MCCC1: variants seen among roughly 807,000 people sequenced by gnomAD.
MCCC1 encodes the protein methylcrotonoyl-CoA carboxylase subunit alpha, mitochondrial.
In MCCC1, 64 loss-of-function variants were observed where a neutral mutation model predicts 83.8. The observed-to-expected ratio is 0.76, with a 90% CI of 0.62 to 0.94. The LOEUF (loss-of-function observed/expected upper bound fraction) is 0.94, where lower values mean the gene tolerates loss of function less well. Ranked by LOEUF, MCCC1 falls within the 40% of genes least tolerant of loss-of-function variation. The pLI is 0.00. For synonymous variants in MCCC1, 322 were observed against 315.4 expected, an observed-to-expected ratio of 1.02 and a Z score of -0.22; for missense variants, 807 against 904.7, an observed-to-expected ratio of 0.89 and a Z score of 1.39.
chr3:183,046,525 G>C (rs1309265450), intron 9 of MCCC1, among the ~76,000 whole-genome samples: 4 of 152,046 alleles, frequency 2.6e-5, no homozygotes, highest in East Asian at 3.9e-4. Context: ...AGCCTCCTGA[G>C]TAGATGGGAC....
chr3:183,102,835 A>G (rs1289099706), upstream of MCCC1, among the ~76,000 whole-genome samples: 3 of 115,056 alleles, frequency 2.6e-5, no homozygotes, highest in African/African-American at 1.0e-4. Context: ...TGCCCAGGCT[A>G]GAGTGCAATG....
At chr3:183,090,812 C>T (rs1718267058) in intron 3 of MCCC1, 1 of 332,452 alleles carries the variant, frequency 3.0e-6, no homozygotes, top group South Asian at 2.3e-5. Context: ...TGGTCTCGAA[C>T]CCTGACCTCA....
rs1718606011 is a variant in MCCC1, at chr3:183,094,578, C to T, written c.117G>A (p.Met39Ile). ...PRTWVWRQRTMKYTTATGRNI... is the reference protein window; with the variant it reads ...PRTWVWRQRTIKYTTATGRNI... ...CAGTACCTGTGGCTGTTGTGTACTTCATGGTTCTTTGCCTCCACACCCATG... is the reference window on the plus strand; with the variant it reads ...CAGTACCTGTGGCTGTTGTGTACTTTATGGTTCTTTGCCTCCACACCCATG... Residue 39 changes from methionine to isoleucine, a missense_variant, in exon 2 of 19, where the codon ATG becomes ATA. Physicochemically the swap from Met to Ile is conservative, Grantham distance 10. Transcript: ENST00000265594. 1 of 1,614,076 alleles carries T rather than the reference C, an allele frequency of 6.2e-7. No homozygotes were observed. The highest frequency in any genetic ancestry group is 8.5e-7 in the Non-Finnish European group (1 of 1,180,034).
intron 15 of MCCC1, among the ~76,000 whole-genome samples, chr3:183,023,470 G>A (rs760568142): frequency 2.0e-5 from 3 of 152,114 alleles, no homozygotes; most frequent in Admixed American, 6.5e-5. Context: ...AAAGATTCAC[G>A]AAAACACATT....
chr3:183,109,287 T>C (rs1719453959), intron 1 of MCCC1, among the ~76,000 whole-genome samples: 1 of 152,104 alleles, frequency 6.6e-6, no homozygotes, highest in East Asian at 1.9e-4. Context: ...CCACCGTGCC[T>C]GGCCATGTGT....
chr3:183,079,196 CA>C (rs1717305999), intron 4 of MCCC1, among the ~76,000 whole-genome samples: 1 of 152,224 alleles, frequency 6.6e-6, no homozygotes, highest in Non-Finnish European at 1.5e-5. Context: ...AACAGTCCCT[CA>C]AAGTCTTAAC....
rs1296966296 is a variant in MCCC1 at position 183,099,306 on chromosome 3, C to T, written c.89+46G>A. ...CCACCGCTCACGCGGGTCCGTGCAC[C>T]CCTCGCTCCCGCCTCTGCCCACTGA... On this transcript the variant is annotated intron_variant, in intron 1 of 18. Coordinates refer to ENST00000265594, the MANE Select transcript of MCCC1 (RefSeq NM_020166.5). The T allele has an allele frequency of 2.6e-6, 4 of 1,549,808 alleles. No individual in the cohort carries two copies. In the African/African-American group the frequency reaches 4.1e-5, roughly 16 times the overall value.
intron 2 of MCCC1, 82 bp from the exon 3 acceptor site, chr3:183,092,627 G>A: frequency 1.3e-6 from 2 of 1,566,182 alleles, no homozygotes; most frequent in East Asian, 2.3e-5. Flanking sequence ...TTAACTGGCT[G>A]ATAAGGACTC....
chr3:183,071,628 CTA>C (rs1716699968), intron 5 of MCCC1, among the ~76,000 whole-genome samples: 2 of 151,990 alleles, frequency 1.3e-5, no homozygotes, highest in Non-Finnish European at 1.5e-5. Flanking sequence ...TAGAATTTCT[CTA>C]TGTCACAGAT....
At chr3:183,049,707 G>A (rs565391115) in intron 9 of MCCC1, among the ~76,000 whole-genome samples, 1 of 152,258 alleles carries the variant, frequency 6.6e-6, no homozygotes, top group Non-Finnish European at 1.5e-5. Flanking sequence ...AGGTCCCATG[G>A]ACATTAAAAT....
At chr3:183,102,758 GTTTTTTTTTTTTTTTTTTTTTTTTTT>G (rs566199257), upstream of MCCC1, among the ~76,000 whole-genome samples, 510 of 52,180 alleles carry the variant, frequency 9.8e-3, 6 homozygotes, top group Middle Eastern at 0.042. Flanking sequence ...AGCAGAGAAA[GTTTTTTTTTTTTTTTTTTTTTTTTTT>G]TTTTTTTTTT....
chr3:183,103,764 G>T (rs1014104998), upstream of MCCC1, among the ~76,000 whole-genome samples: 1 of 152,220 alleles, frequency 6.6e-6, no homozygotes, highest in African/African-American at 2.4e-5. Flanking sequence ...CAGCCCTTGG[G>T]TGGTCGATGG....
intron 7 of MCCC1, among the ~76,000 whole-genome samples, chr3:183,066,947 A>C (rs1187912297): frequency 1.3e-5 from 2 of 152,220 alleles, no homozygotes; most frequent in East Asian, 3.8e-4. Context: ...GTTTCTCTCT[A>C]TCTGATTTCT....
intron 8 of MCCC1, 111 bp downstream of exon 8, chr3:183,057,200 C>T (rs1715484859): frequency 9.2e-6 from 8 of 865,810 alleles, no homozygotes; most frequent in Non-Finnish European, 1.5e-5. Flanking sequence ...AACAGTTGTC[C>T]AGCAGGAGTT....
At chr3:183,098,138 C>T (rs1364456989) in intron 1 of MCCC1, among the ~76,000 whole-genome samples, 2 of 152,146 alleles carry the variant, frequency 1.3e-5, no homozygotes, top group Admixed American at 6.5e-5. Flanking sequence ...ACCGTGTTAT[C>T]CAGGTTGGTC....
intron 4 of MCCC1, among the ~76,000 whole-genome samples, chr3:183,076,893 C>T (rs1442330915): frequency 1.3e-5 from 2 of 152,160 alleles, no homozygotes; most frequent in East Asian, 3.8e-4. Context: ...ATTCCTCACT[C>T]CCCATAAACC....
chr3:183,065,748 CTG>C (rs1577320641), intron 7 of MCCC1, among the ~76,000 whole-genome samples: 2 of 152,068 alleles, frequency 1.3e-5, no homozygotes, highest in Admixed American at 6.5e-5. Context: ...AAAAGAAATT[CTG>C]TGTGTGAACA....
chr3:183,053,207 A>C (rs1715126150), intron 8 of MCCC1, among the ~76,000 whole-genome samples: 1 of 151,442 alleles, frequency 6.6e-6, no homozygotes, highest in African/African-American at 2.4e-5. Flanking sequence ...GTGGTGGCTC[A>C]CCCCTGTAAT....
intron 4 of MCCC1, among the ~76,000 whole-genome samples, chr3:183,073,758 T>A (rs1716866183): frequency 1.3e-5 from 2 of 152,242 alleles, no homozygotes; most frequent in Admixed American, 1.3e-4. Context: ...CATACATATT[T>A]TTTTCTTTCC....
Sources: gnomAD v4.1 joint callset for allele counts (sites outside exome capture counted in the v4.1 genomes callset) on GRCh38, gnomAD v4.1.1 for gene constraint, MANE v1.5 for transcripts, NCBI Gene and HGNC (gene_info 2026-07-23, HGNC 2026-07-21) for gene names.